The following ZNF91 variants were observed in gnomAD, a reference collection of about 807,000 sequenced individuals.
ZNF91 encodes zinc finger protein 91.
Under a neutral mutation model 12.6 loss-of-function variants are expected in ZNF91, and 7 were observed. The ratio of observed to expected loss-of-function variants is 0.55; its 90% CI spans 0.31 to 1.04. ZNF91 has a LOEUF of 1.04. Ranked by LOEUF, ZNF91 falls within the 50% of genes least tolerant of loss-of-function variation. The pLI is 0.05. For synonymous variants in ZNF91, 453 were observed against 462.6 expected, an observed-to-expected ratio of 0.98 and a Z score of 0.27; for missense variants, 1,217 against 1,385.4, an observed-to-expected ratio of 0.88 and a Z score of 1.93.
Position 23,361,244 on chromosome 19 carries a change from A to T in ZNF91, c.1735T>A (p.Cys579Ser). The change falls in exon 4 of 4, where the codon TGT becomes AGT. Residue 579 changes from cysteine to serine, a missense_variant. Cys to Ser is a moderately radical substitution (Grantham distance 112, BLOSUM62 -1). Transcript: ENST00000300619. ...AGKKLYKCEE[C>S]GKAFNHSSSL... ...GAGGAATGATTAAAAGCTTTGCCAC[A>T]TTCTTCACATTTGTAGAGTTTCTTT... The T allele has an allele frequency of 6.2e-7, 1 of 1,613,616 alleles. No homozygotes were observed. Among genetic ancestry groups the T allele is most frequent in the Middle Eastern group, 1.7e-4 (1 of 6,052 alleles).
chr19:23,345,018 A>G (rs1968193708), intron 3 of ZNF91, among the ~76,000 whole-genome samples: 1 of 152,178 alleles, frequency 6.6e-6, no homozygotes, highest in African/African-American at 2.4e-5. Context: ...ACAGGGAAAA[A>G]TCCACACAGC....
At chr19:23,312,128 A>T (rs1967481695), upstream of ZNF91, among the ~76,000 whole-genome samples, 1 of 151,892 alleles carries the variant, frequency 6.6e-6, no homozygotes, top group Non-Finnish European at 1.5e-5. Context: ...ACTCTCAGGA[A>T]AAATTATGAC....
chr19:23,395,423 C>T lies in ZNF91; in HGVS notation c.-69G>A. ...AGGCTGGGCCTCCTGGAGCAGAGGA[C>T]ACAGAGCAGTGAAGTCGAGACCTGG... On this transcript the variant is annotated 5_prime_UTR_variant, in exon 1 of 4. Transcript: ENST00000300619. The T allele has an allele frequency of 1.3e-6, 2 of 1,588,614 alleles. No individual in the cohort carries two copies. Among genetic ancestry groups the T allele is most frequent in the Non-Finnish European group, 8.6e-7 (1 of 1,163,478 alleles).
At chr19:23,340,615 C>T (rs1485250035) in intron 3 of ZNF91, among the ~76,000 whole-genome samples, 1 of 151,944 alleles carries the variant, frequency 6.6e-6, no homozygotes, top group Non-Finnish European at 1.5e-5. Flanking sequence ...CAATAATAAT[C>T]CTCCTGAAAC....
At chr19:23,333,413 A>G (rs1967957596) in intron 1 of ZNF91, among the ~76,000 whole-genome samples, 1 of 152,214 alleles carries the variant, frequency 6.6e-6, no homozygotes, top group African/African-American at 2.4e-5. Context: ...CTACTCATCT[A>G]ATCTAAAGAT....
At chr19:23,320,546 A>C (rs1160566241) in intron 1 of ZNF91, among the ~76,000 whole-genome samples, 1 of 152,210 alleles carries the variant, frequency 6.6e-6, no homozygotes, top group African/African-American at 2.4e-5. Context: ...TGAATAAAGA[A>C]GGAACTTCCA....
downstream of ZNF91, among the ~76,000 whole-genome samples, chr19:23,335,146 G>T (rs949684091): frequency 6.6e-6 from 1 of 152,186 alleles, no homozygotes; most frequent in Non-Finnish European, 1.5e-5. Flanking sequence ...AACAGATATT[G>T]CAGAACAGCA....
At chr19:23,335,136 A>AGC, downstream of ZNF91, among the ~76,000 whole-genome samples, 1 of 152,320 alleles carries the variant, frequency 6.6e-6, no homozygotes. Context: ...GCTGCAGAGC[A>AGC]ACAGATATTG....
intron 3 of ZNF91, among the ~76,000 whole-genome samples, chr19:23,351,362 A>C (rs1291437142): frequency 2.0e-5 from 3 of 152,084 alleles, no homozygotes; most frequent in Non-Finnish European, 2.9e-5. Flanking sequence ...AAAGAAAAGA[A>C]AAATGCTTTC....
chr19:23,344,257 G>A (rs1022883242), intron 3 of ZNF91, among the ~76,000 whole-genome samples: 5 of 151,920 alleles, frequency 3.3e-5, no homozygotes, highest in African/African-American at 1.2e-4. Context: ...ACCATGCCTG[G>A]CTAATTTTTT....
intron 3 of ZNF91, among the ~76,000 whole-genome samples, chr19:23,365,728 T>G (rs1190782122): frequency 1.3e-5 from 2 of 152,148 alleles, no homozygotes; most frequent in Non-Finnish European, 2.9e-5. Context: ...TCCGCAGTGT[T>G]TGTGTCCCTG....
intron 3 of ZNF91, among the ~76,000 whole-genome samples, chr19:23,368,745 T>C (rs564089815): frequency 2.0e-5 from 3 of 152,088 alleles, no homozygotes; most frequent in Non-Finnish European, 4.4e-5. Context: ...TGAAAATATT[T>C]ACAAATTACA....
In ZNF91 at chr19:23,359,297, A is replaced by C. The variant is rs1307336302; in HGVS notation, c.*106T>G. On this transcript the variant is annotated 3_prime_UTR_variant, in exon 4 of 4. Coordinates refer to ENST00000300619, the MANE Select transcript of ZNF91 (RefSeq NM_003430.4). ...GAGTGCAGTGGCGTGATCTCGGCTC[A>C]CTGCAAGCTCCGCCTCCCGGGTTCA... is the stretch of plus-strand genomic sequence containing the variant. 1 of 524,226 alleles carries C rather than the reference A, an allele frequency of 1.9e-6. No homozygotes were observed. Among genetic ancestry groups the C allele is most frequent in the African/African-American group, 2.0e-5 (1 of 51,048 alleles). The allele number at this position is 524,226 out of a possible 1,614,324, so 32.5% of individuals were successfully genotyped here. A position where few individuals can be genotyped will look rare whatever the true frequency, so the allele number is the denominator to read the frequency against.
At chr19:23,380,387 T>C (rs1169984038) in intron 1 of ZNF91, 1 of 148,624 alleles carries the variant, frequency 6.7e-6, no homozygotes, top group Non-Finnish European at 1.5e-5. Context: ...GCGAGCATTA[T>C]CTAAGCCACA....
At chr19:23,316,514 C>A (rs1002535151) in intron 1 of ZNF91, among the ~76,000 whole-genome samples, 1 of 152,040 alleles carries the variant, frequency 6.6e-6, no homozygotes, top group Non-Finnish European at 1.5e-5. Context: ...GGCTGAGTAC[C>A]CAGGTGATGT....
chr19:23,368,842 T>G (rs1414409267), intron 3 of ZNF91, among the ~76,000 whole-genome samples: 1 of 151,694 alleles, frequency 6.6e-6, no homozygotes, highest in Non-Finnish European at 1.5e-5. Context: ...AATAAATAAT[T>G]AAAATAAATT....
chr19:23,365,277 TCAC>T, intron 3 of ZNF91, among the ~76,000 whole-genome samples: 1 of 147,704 alleles, frequency 6.8e-6, no homozygotes, highest in South Asian at 2.1e-4. Flanking sequence ...AGCGTGTTCA[TCAC>T]CACTAGCACA....
At chr19:23,366,253 C>A (rs1461242654) in intron 3 of ZNF91, among the ~76,000 whole-genome samples, 1 of 151,288 alleles carries the variant, frequency 6.6e-6, no homozygotes, top group South Asian at 2.1e-4. Flanking sequence ...GGCTGACCCC[C>A]ATACCTCCCT....
At chr19:23,375,083 A>AT (rs958447418) in intron 1 of ZNF91, among the ~76,000 whole-genome samples, 1 of 152,046 alleles carries the variant, frequency 6.6e-6, no homozygotes. Flanking sequence ...TGACTTGTGT[A>AT]TTTTTTTCAG....
Sources: gnomAD v4.1 joint callset for allele counts (sites outside exome capture counted in the v4.1 genomes callset) on GRCh38, gnomAD v4.1.1 for gene constraint, MANE v1.5 for transcripts, NCBI Gene and HGNC (gene_info 2026-07-23, HGNC 2026-07-21) for gene names.